Variants in KIRREL3 observed in about 807,000 individuals in gnomAD.
KIRREL3 encodes kirre like nephrin family adhesion molecule 3.
Under a neutral mutation model 89.7 loss-of-function variants are expected in KIRREL3, and 36 were observed. The ratio of observed to expected loss-of-function variants is 0.40; its 90% CI spans 0.31 to 0.53. KIRREL3 has a LOEUF of 0.53. Among genes scored for constraint, KIRREL3 ranks in the 20% least tolerant of loss-of-function variants. KIRREL3 has a pLI of 0.49. For synonymous variants in KIRREL3, 445 were observed against 441.4 expected, an observed-to-expected ratio of 1.01 and a Z score of -0.10; for missense variants, 864 against 1,056.6, an observed-to-expected ratio of 0.82 and a Z score of 2.53.
rs946012215 is a variant in KIRREL3, at chr11:126,906,551, C to G, written c.55+93904G>C. Among the ~76,000 whole-genome samples, 1 of 152,148 alleles carries G rather than the reference C, an allele frequency of 6.6e-6. No individual in the cohort carries two copies. Among genetic ancestry groups the G allele is most frequent in the African/African-American group, 2.4e-5 (1 of 41,436 alleles). On this transcript the variant is annotated intron_variant, in intron 1 of 16. Coordinates refer to ENST00000525144, the MANE Select transcript of KIRREL3 (RefSeq NM_032531.4). The surrounding 1 kb of genome is among the most constrained non-coding windows in gnomAD (Gnocchi z 4.1). Reference sequence around the variant, plus strand: ...CCTCCAGCAGAGAAGTGGATAGGGACCCCCCTGCCATGAAAAACAGCGTTG... The same window carrying G: ...CCTCCAGCAGAGAAGTGGATAGGGAGCCCCCTGCCATGAAAAACAGCGTTG...
intron 1 of KIRREL3, among the ~76,000 whole-genome samples, chr11:126,949,860 T>C (rs1010288087): frequency 3.3e-5 from 5 of 152,200 alleles, no homozygotes; most frequent in Admixed American, 1.3e-4. Context: ...AACACAGCCC[T>C]TTCCTCTAAA....
rs1303112126 is a variant in KIRREL3, at chr11:126,655,241, C to G, written c.56-92329G>C. On this transcript the variant is annotated intron_variant, in intron 1 of 16. Transcript: ENST00000525144. This position sits in a 1 kb window ranked among gnomAD's most constrained non-coding sequence, Gnocchi z 5.0. ...GGATAATTTTTCCTGATGTCAAAGC[C>G]TCACCCAGGAGAGCTCTCGCTGTTG... is the stretch of plus-strand genomic sequence containing the variant. Among the ~76,000 whole-genome samples, 1 of 152,206 alleles carries G rather than the reference C, an allele frequency of 6.6e-6. No homozygotes were observed. Among genetic ancestry groups the G allele is most frequent in the Admixed American group, 6.5e-5 (1 of 15,286 alleles).
intron 1 of KIRREL3, chr11:126,935,409 C>T (rs1285778270): frequency 6.6e-6 from 1 of 152,006 alleles, no homozygotes. Flanking sequence ...TGTAGGTCCA[C>T]ACAAAAACCT....
chr11:126,456,829 C>A (rs768477748), intron 6 of KIRREL3, among the ~76,000 whole-genome samples: 3 of 152,216 alleles, frequency 2.0e-5, no homozygotes, highest in Non-Finnish European at 2.9e-5. Flanking sequence ...CGCTTCAGTG[C>A]AGACTGTCTT....
intron 1 of KIRREL3, among the ~76,000 whole-genome samples, chr11:126,921,450 C>T (rs370731665): frequency 7.3e-6 from 1 of 137,144 alleles, no homozygotes; most frequent in African/African-American, 2.7e-5. Context: ...TATCTATCTT[C>T]CTATCTATCT....
intron 1 of KIRREL3, among the ~76,000 whole-genome samples, chr11:126,678,596 T>C (rs1325585301): frequency 2.9e-5 from 1 of 35,032 alleles, no homozygotes; most frequent in Non-Finnish European, 4.9e-5. Flanking sequence ...CAAGACTCTG[T>C]CTCAAAAAAA....
chr11:126,829,666 C>A (rs1336791902), intron 1 of KIRREL3, among the ~76,000 whole-genome samples: 1 of 152,198 alleles, frequency 6.6e-6, no homozygotes, highest in Non-Finnish European at 1.5e-5. Context: ...TGAGAACCTA[C>A]TGGGTGCCAG....
In KIRREL3 at chr11:126,570,998, C is replaced by T. The variant is rs184499987; in HGVS notation, c.56-8086G>A. Among the ~76,000 whole-genome samples the T allele has an allele frequency of 3.2e-3, 492 of 152,234 alleles. 12 individuals are homozygous for T. Among genetic ancestry groups the T allele is most frequent in the East Asian group, 2.3e-3 (12 of 5,182 alleles). On this transcript the variant is annotated intron_variant, in intron 1 of 16. Coordinates refer to ENST00000525144, the MANE Select transcript of KIRREL3 (RefSeq NM_032531.4). The surrounding 1 kb of genome is among the most constrained non-coding windows in gnomAD (Gnocchi z 6.1). ...TGTTATTCTCCTTGTTGTTATTTAG[C>T]GAGAGATTGACACTTTAGAGGAGTG...
intron 2 of KIRREL3, among the ~76,000 whole-genome samples, chr11:126,540,216 T>C (rs1475485887): frequency 6.6e-6 from 1 of 152,196 alleles, no homozygotes; most frequent in Non-Finnish European, 1.5e-5. Flanking sequence ...CAGCCATTGG[T>C]AGCTTGATTC....
At position 126,923,240 on chromosome 11, in the gene KIRREL3, CT is replaced by C. The variant is rs1337656399; in HGVS notation, c.55+77214del. Among the ~76,000 whole-genome samples, 227 of 57,198 alleles carry C rather than the reference CT, an allele frequency of 4.0e-3. 36 individuals are homozygous for C. The highest frequency in any genetic ancestry group is 8.2e-3 in the South Asian group (9 of 1,104). The allele number at this position is 57,198 out of a possible 152,430, so 37.5% of individuals were successfully genotyped here. ...TCTTCTTCTTCTTCTTCTTCTTCTT[CT>C]TCTTCTTCTTCTTCTTCTTCTTCTT... On this transcript the variant is annotated intron_variant, in intron 1 of 16. Transcript: ENST00000525144.
chr11:126,494,584 A>G (rs1402251239), intron 4 of KIRREL3, among the ~76,000 whole-genome samples: 5 of 152,124 alleles, frequency 3.3e-5, no homozygotes, highest in African/African-American at 9.7e-5. Context: ...ATTTGTCTAG[A>G]TTATTGATTC....
Position 126,544,856 on chromosome 11 carries a change from CTTTG to C in KIRREL3, c.133+17975_133+17978del, listed in dbSNP as rs1007625522. Among the ~76,000 whole-genome samples the C allele has an allele frequency of 6.6e-6, 1 of 152,142 alleles. No homozygotes were observed. Among genetic ancestry groups the C allele is most frequent in the African/African-American group, 2.4e-5 (1 of 41,412 alleles). On this transcript the variant is annotated intron_variant, in intron 2 of 16. Transcript: ENST00000525144. This position sits in a 1 kb window ranked among gnomAD's most constrained non-coding sequence, Gnocchi z 5.6. ...CTTAATCTGCTTGAGCAAAGTCTGT[CTTTG>C]TTTGGCCATGCACTGTCTAAACTCC...
rs113575442 is a variant in KIRREL3 at position 126,471,282 on chromosome 11, A to G, written c.591+2027T>C. Among the ~76,000 whole-genome samples the G allele has an allele frequency of 0.24, 36,464 of 152,068 alleles. 4,683 individuals carry two copies. Among genetic ancestry groups the G allele is most frequent in the Admixed American group, 0.38 (5,826 of 15,276 alleles). Reference sequence around the variant, plus strand: ...CTATTCTGGAGGCTGAGGCAGGAGAATCACTTGAGCCCAGGAGGTGGAGGT... The same window carrying G: ...CTATTCTGGAGGCTGAGGCAGGAGAGTCACTTGAGCCCAGGAGGTGGAGGT... On this transcript the variant is annotated intron_variant, in intron 5 of 16. Transcript: ENST00000525144. The surrounding 1 kb of genome is among the most constrained non-coding windows in gnomAD (Gnocchi z 5.4).
Position 126,651,126 on chromosome 11 carries a change from T to A in KIRREL3, c.56-88214A>T, listed in dbSNP as rs2080905904. On this transcript the variant is annotated intron_variant, in intron 1 of 16. Transcript: ENST00000525144. This position sits in a 1 kb window ranked among gnomAD's most constrained non-coding sequence, Gnocchi z 4.6. ...CACATAGGAATTATGGGAGTACAAT[T>A]CAAGATGATATGTGGGTGGGGACAC... Among the ~76,000 whole-genome samples, 1 of 152,160 alleles carries A rather than the reference T, an allele frequency of 6.6e-6. No homozygotes were observed. The highest frequency in any genetic ancestry group is 2.4e-5 in the African/African-American group (1 of 41,442).
chr11:126,952,164 T>A (rs1948792078), intron 1 of KIRREL3, among the ~76,000 whole-genome samples: 1 of 152,188 alleles, frequency 6.6e-6, no homozygotes, highest in African/African-American at 2.4e-5. Context: ...GGCCGGTGGA[T>A]CACCTGAGGT....
intron 12 of KIRREL3, among the ~76,000 whole-genome samples, chr11:126,435,978 A>G (rs1955313578): frequency 6.6e-6 from 1 of 152,124 alleles, no homozygotes; most frequent in East Asian, 1.9e-4. Context: ...CCCTCTCAGA[A>G]CCCGGCTTGC....
chr11:126,478,759 A>G (rs1300575917), intron 4 of KIRREL3, among the ~76,000 whole-genome samples: 3 of 151,494 alleles, frequency 2.0e-5, no homozygotes, highest in East Asian at 1.9e-4. Flanking sequence ...GTGTGTGTAT[A>G]TGTGTGTGTA....
chr11:126,972,965 C>A (rs1300492612), intron 1 of KIRREL3, among the ~76,000 whole-genome samples: 1 of 152,044 alleles, frequency 6.6e-6, no homozygotes, highest in Non-Finnish European at 1.5e-5. Context: ...ATTCTACTCA[C>A]CCTTTCACTC....
chr11:126,670,392 C>A (rs4540844), intron 1 of KIRREL3, among the ~76,000 whole-genome samples: 1 of 152,162 alleles, frequency 6.6e-6, no homozygotes, highest in African/African-American at 2.4e-5. Context: ...AAGATTGGAA[C>A]AAGGTGAGAA....
Sources: gnomAD v4.1 joint callset for allele counts (sites outside exome capture counted in the v4.1 genomes callset) on GRCh38, gnomAD v4.1.1 for gene constraint, Gnocchi (gnomAD v3.1) non-coding constraint, MANE v1.5 for transcripts, NCBI Gene and HGNC (gene_info 2026-07-23, HGNC 2026-07-21) for gene names.